Variants in SEMA5A observed in about 807,000 individuals in gnomAD.
The protein encoded by SEMA5A is semaphorin-5A.
Under a neutral mutation model 135.5 loss-of-function variants are expected in SEMA5A, and 55 were observed. That is an observed-to-expected ratio of 0.41 (90% confidence interval 0.33 to 0.51). SEMA5A has a LOEUF of 0.51. SEMA5A is among the 20% of genes least tolerant of loss of function. The pLI, the probability that SEMA5A is intolerant of heterozygous loss-of-function variation, is 0.37. For synonymous variants in SEMA5A, 580 were observed against 546.5 expected, an observed-to-expected ratio of 1.06 and a Z score of -0.85; for missense variants, 1,290 against 1,419.9, an observed-to-expected ratio of 0.91 and a Z score of 1.47.
chr5:9,184,472 C>T (rs1435830943), intron 11 of SEMA5A, among the ~76,000 whole-genome samples: 4 of 152,148 alleles, frequency 2.6e-5, no homozygotes, highest in African/African-American at 9.7e-5. Context: ...TTCTTTGGTT[C>T]AAAGACACCA....
chr5:9,291,715 C>T (rs1751089536), intron 5 of SEMA5A, among the ~76,000 whole-genome samples: 1 of 151,604 alleles, frequency 6.6e-6, no homozygotes, highest in Non-Finnish European at 1.5e-5. Flanking sequence ...TCCAAGCAGC[C>T]TCATCTGATG....
chr5:9,138,365 ATT>A lies in SEMA5A; in HGVS notation c.1482-1746_1482-1745del, dbSNP rs113656334. Among the ~76,000 whole-genome samples the A allele has an allele frequency of 2.4e-3, 362 of 152,280 alleles. 2 individuals are homozygous for A. The highest frequency in any genetic ancestry group is 8.2e-3 in the African/African-American group (339 of 41,546). On this transcript the variant is annotated intron_variant, in intron 12 of 22. Transcript: ENST00000382496. ...CACATATCTATATATACATATATATATTTTGTTATTGTTTATAGGCAAATATA... is the reference window on the plus strand; with the variant it reads ...CACATATCTATATATACATATATATATTGTTATTGTTTATAGGCAAATATA...
intron 16 of SEMA5A, among the ~76,000 whole-genome samples, chr5:9,096,411 T>A (rs1476917927): frequency 6.6e-6 from 1 of 152,212 alleles, no homozygotes; most frequent in Non-Finnish European, 1.5e-5. Context: ...AGACCTTTTG[T>A]TTTTTATATT....
intron 4 of SEMA5A, among the ~76,000 whole-genome samples, chr5:9,330,532 G>GCACA (rs1426608953): frequency 6.6e-6 from 1 of 151,920 alleles, no homozygotes; most frequent in Non-Finnish European, 1.5e-5. Flanking sequence ...TTTGTTAAAA[G>GCACA]CACACACCCT....
chr5:9,231,590 C>T (rs1054927917), intron 6 of SEMA5A, among the ~76,000 whole-genome samples: 6 of 151,770 alleles, frequency 4.0e-5, no homozygotes, highest in Admixed American at 3.9e-4. Flanking sequence ...TGGCAACGCA[C>T]TTTGCCAATC....
intron 2 of SEMA5A, among the ~76,000 whole-genome samples, chr5:9,381,963 T>TGTGTGA (rs1755631699): frequency 2.4e-5 from 3 of 127,522 alleles, no homozygotes; most frequent in South Asian, 2.4e-4. Context: ...TGTGTGTGTG[T>TGTGTGA]GTGTGTGTGT....
At chr5:9,506,974 G>T (rs939308127) in intron 1 of SEMA5A, among the ~76,000 whole-genome samples, 1 of 134,500 alleles carries the variant, frequency 7.4e-6, no homozygotes, top group African/African-American at 2.7e-5. Context: ...TTTTAAGTTT[G>T]CTACAACCAA....
chr5:9,443,050 A>G (rs1446681663), intron 1 of SEMA5A, among the ~76,000 whole-genome samples: 1 of 152,098 alleles, frequency 6.6e-6, no homozygotes, highest in Non-Finnish European at 1.5e-5. Flanking sequence ...AACGCCATTC[A>G]CTCTGGTTAT....
intron 2 of SEMA5A, among the ~76,000 whole-genome samples, chr5:9,414,304 A>T (rs1579502959): frequency 6.6e-6 from 1 of 152,238 alleles, no homozygotes; most frequent in South Asian, 2.1e-4. Context: ...TAGCGATTCA[A>T]CTATAAGGAA....
intron 11 of SEMA5A, among the ~76,000 whole-genome samples, chr5:9,178,179 T>C (rs961154954): frequency 5.3e-5 from 8 of 152,336 alleles, no homozygotes; most frequent in Admixed American, 5.2e-4. Flanking sequence ...GAATCTGCTC[T>C]TAAATATTTG....
intron 1 of SEMA5A, among the ~76,000 whole-genome samples, chr5:9,518,971 T>C (rs1480787461): frequency 6.6e-6 from 1 of 152,200 alleles, no homozygotes; most frequent in Admixed American, 6.5e-5. Flanking sequence ...GGATACCTGC[T>C]ACCTGAATTA....
intron 8 of SEMA5A, among the ~76,000 whole-genome samples, chr5:9,222,055 C>A (rs1474459080): frequency 6.6e-6 from 1 of 152,156 alleles, no homozygotes; most frequent in Non-Finnish European, 1.5e-5. Context: ...AGGGGTGGCC[C>A]CCCCTGGGGC....
At chr5:9,453,435 TGTTTAAAATG>T (rs1758719411) in intron 1 of SEMA5A, among the ~76,000 whole-genome samples, 1 of 152,208 alleles carries the variant, frequency 6.6e-6, no homozygotes, top group African/African-American at 2.4e-5. Flanking sequence ...GTGATTTGTC[TGTTTAAAATG>T]GCCCCAAGCA....
intron 1 of SEMA5A, among the ~76,000 whole-genome samples, chr5:9,493,575 A>C (rs1159803861): frequency 6.6e-6 from 1 of 152,202 alleles, no homozygotes; most frequent in Non-Finnish European, 1.5e-5. Flanking sequence ...AACTAAGAAG[A>C]GAAAAATCTA....
chr5:9,322,977 C>T (rs1040741366), intron 4 of SEMA5A, among the ~76,000 whole-genome samples: 1 of 152,154 alleles, frequency 6.6e-6, no homozygotes, highest in African/African-American at 2.4e-5. Flanking sequence ...TGATCCTAGG[C>T]CATCAATTTT....
At chr5:9,345,762 T>TA (rs1230837610) in intron 3 of SEMA5A, among the ~76,000 whole-genome samples, 4 of 152,168 alleles carry the variant, frequency 2.6e-5, no homozygotes, top group Middle Eastern at 3.2e-3. Context: ...CAAATGTGGA[T>TA]TATAGTCATA....
At chr5:9,144,027 C>T (rs1475630449) in intron 12 of SEMA5A, among the ~76,000 whole-genome samples, 1 of 152,042 alleles carries the variant, frequency 6.6e-6, no homozygotes, top group East Asian at 1.9e-4. Context: ...AGTAACTCAC[C>T]AGGAATGGCA....
chr5:9,200,121 T>C (rs931840193), intron 9 of SEMA5A, among the ~76,000 whole-genome samples: 1 of 152,216 alleles, frequency 6.6e-6, no homozygotes, highest in African/African-American at 2.4e-5. Context: ...GAGTTGGGCA[T>C]ATTAGAAATG....
intron 3 of SEMA5A, among the ~76,000 whole-genome samples, chr5:9,366,083 T>C (rs557871221): frequency 2.3e-4 from 35 of 152,346 alleles, no homozygotes; most frequent in African/African-American, 8.2e-4. Context: ...TCTAGCTTAA[T>C]AGCCAGTGAG....
Sources: gnomAD v4.1 joint callset for allele counts (sites outside exome capture counted in the v4.1 genomes callset) on GRCh38, gnomAD v4.1.1 for gene constraint, MANE v1.5 for transcripts, NCBI Gene and HGNC (gene_info 2026-07-23, HGNC 2026-07-21) for gene names.